Variants in KIF16B observed in about 807,000 individuals in gnomAD.
The protein encoded by KIF16B is kinesin family member 16B, also known as kinesin-like protein KIF16B.
KIF16B carries 98 observed loss-of-function variants against 156.3 expected under a neutral mutation model. The observed-to-expected ratio is 0.63, with a 90% confidence interval of 0.53 to 0.74. KIF16B has a LOEUF of 0.74. KIF16B is among the 30% of genes least tolerant of loss of function. KIF16B has a pLI of 0.00. For missense variants in KIF16B, 1,421 were observed against 1,606.5 expected (o/e 0.88, Z 1.97); for synonymous variants, 564 against 583.7 (o/e 0.97, Z 0.49).
chr20:16,528,100 C>T (rs1050053253), intron 2 of KIF16B, among the ~76,000 whole-genome samples: 3 of 152,138 alleles, frequency 2.0e-5, no homozygotes, highest in African/African-American at 7.2e-5. Flanking sequence ...GATGAAAATG[C>T]CCGAATCTGG....
Position 16,418,461 on chromosome 20 carries a change from C to T in KIF16B, c.1612+8643G>A, listed in dbSNP as rs186330486. On this transcript the variant is annotated intron_variant, in intron 15 of 25. Coordinates refer to ENST00000354981, the MANE Select transcript of KIF16B (RefSeq NM_024704.5). ...TTGCTAACTGCCACGGCTTTCATTCCTCAAGGTTCAACAGAAACCAGCCCA... is the reference window on the plus strand; with the variant it reads ...TTGCTAACTGCCACGGCTTTCATTCTTCAAGGTTCAACAGAAACCAGCCCA... Among the ~76,000 whole-genome samples the T allele has an allele frequency of 2.5e-4, 38 of 152,240 alleles. No homozygotes were observed. The East Asian group carries it at 4.7e-3, about 19-fold the overall frequency.
chr20:16,483,734 T>C (rs1438752656), intron 12 of KIF16B, among the ~76,000 whole-genome samples: 1 of 151,994 alleles, frequency 6.6e-6, no homozygotes, highest in Non-Finnish European at 1.5e-5. Context: ...AAATTATTGA[T>C]CCAGAGTAAC....
rs559271919 is a variant in KIF16B, at chr20:16,339,692, C to T, written c.3622-3677G>A. Reference sequence around the variant, plus strand: ...TGACAATGCTATTCTTCTCCCTGTTCCATGCAAAAACTCTGGCATCATCCT... The same window carrying T: ...TGACAATGCTATTCTTCTCCCTGTTTCATGCAAAAACTCTGGCATCATCCT... On this transcript the variant is annotated intron_variant, in intron 23 of 25. Transcript: ENST00000354981. Among the ~76,000 whole-genome samples, 18 of 152,338 alleles carry T rather than the reference C, an allele frequency of 1.2e-4. No homozygotes were observed. The South Asian group carries it at 3.7e-3, about 32-fold the overall frequency.
At chr20:16,278,905 T>G (rs1230657359) in intron 25 of KIF16B, among the ~76,000 whole-genome samples, 1 of 152,196 alleles carries the variant, frequency 6.6e-6, no homozygotes, top group East Asian at 1.9e-4. Flanking sequence ...TTGGGTCAGA[T>G]GCACTGCCTT....
chr20:16,410,056 T>TATATATATGTTGGTAC lies in KIF16B; in HGVS notation c.1613-3601_1613-3600insGTACCAACATATATAT, dbSNP rs1568948430. On this transcript the variant is annotated intron_variant, in intron 15 of 25. Coordinates refer to ENST00000354981, the MANE Select transcript of KIF16B (RefSeq NM_024704.5). ...AGGTACATATATATATGTTGGTACA[T>TATATATATGTTGGTAC]ATATATATATGTAGGTACATATATA... is the stretch of plus-strand genomic sequence containing the variant. 6.5e-3 allele frequency among the ~76,000 whole-genome samples: 199 copies of TATATATATGTTGGTAC among 30,776 alleles called. 25 individuals are homozygous for TATATATATGTTGGTAC. Among genetic ancestry groups the TATATATATGTTGGTAC allele is most frequent in the Non-Finnish European group, 8.2e-3 (144 of 17,590 alleles). 20.2% of individuals were successfully genotyped at this position (30,776 alleles called of 152,430 possible). A position where few individuals can be genotyped will look rare whatever the true frequency, so the allele number is the denominator to read the frequency against.
At chr20:16,520,746 C>A (rs993811290) in intron 3 of KIF16B, among the ~76,000 whole-genome samples, 21 of 152,158 alleles carry the variant, frequency 1.4e-4, no homozygotes, top group African/African-American at 5.1e-4. Flanking sequence ...AGACACCTCC[C>A]AGCAGGGGTT....
At chr20:16,395,415 G>A (rs2065476926) in intron 17 of KIF16B, among the ~76,000 whole-genome samples, 1 of 151,128 alleles carries the variant, frequency 6.6e-6, no homozygotes, top group African/African-American at 2.4e-5. Context: ...AATAGGGAAG[G>A]AGTGGGACAC....
At position 16,374,381 on chromosome 20, in the gene KIF16B, G is replaced by T. The variant is rs779774680; in HGVS notation, c.3226C>A (p.Gln1076Lys). 2 of 1,590,014 alleles carry T rather than the reference G, an allele frequency of 1.3e-6. No individual in the cohort carries two copies. The highest frequency in any genetic ancestry group is 4.5e-5 in the East Asian group (2 of 44,234). The part of the protein sequence containing the change: ...RLEYEIQQLK[Q>K]KIYEVDGVQK... ...ACACCATCGACCTCATAAATCTTCT[G>T]TTTCAGCTGCTGGATTTCATATTCT... The change falls in exon 20 of 26, where the codon CAG (glutamine) becomes AAG (lysine). Residue 1076 changes from glutamine (Q) to lysine (K), a missense_variant. Coordinates refer to ENST00000354981, the MANE Select transcript of KIF16B (RefSeq NM_024704.5).
chr20:16,359,461 T>C (rs1398642264), intron 22 of KIF16B, among the ~76,000 whole-genome samples: 1 of 152,156 alleles, frequency 6.6e-6, no homozygotes, highest in African/African-American at 2.4e-5. Flanking sequence ...AGTGCTATAC[T>C]TTCTACACAG....
chr20:16,541,044 G>A (rs147977021), intron 1 of KIF16B, among the ~76,000 whole-genome samples: 3 of 152,204 alleles, frequency 2.0e-5, no homozygotes, highest in African/African-American at 7.2e-5. Flanking sequence ...AGCTCCATAA[G>A]TTTGTGTCAC....
rs2066848863 is a variant in KIF16B, at chr20:16,443,179, AC to A, written c.1303-13198del. The stretch of plus-strand genomic sequence containing the variant: ...CTTTTTATGGAGAAGAGAGAATATA[AC>A]CCCCTTCCACCTTGTATTAATCAAA... On this transcript the variant is annotated intron_variant, in intron 12 of 25. Coordinates refer to ENST00000354981, the MANE Select transcript of KIF16B (RefSeq NM_024704.5). Among the ~76,000 whole-genome samples, 3 of 152,090 alleles carry A rather than the reference AC, an allele frequency of 2.0e-5. No individual in the cohort carries two copies. In the South Asian group the frequency reaches 6.2e-4, roughly 31 times the overall value.
intron 3 of KIF16B, among the ~76,000 whole-genome samples, chr20:16,519,211 A>G (rs1221989715): frequency 2.0e-5 from 3 of 152,144 alleles, no homozygotes; most frequent in African/African-American, 7.2e-5. Flanking sequence ...TTCCTCTCCC[A>G]GGCCTTCTTT....
At chr20:16,295,897 A>G (rs914097134) in intron 25 of KIF16B, among the ~76,000 whole-genome samples, 1 of 152,248 alleles carries the variant, frequency 6.6e-6, no homozygotes, top group Non-Finnish European at 1.5e-5. Flanking sequence ...AACTATTTTC[A>G]TAACTCAGGC....
At chr20:16,438,802 C>T (rs767468214) in intron 12 of KIF16B, among the ~76,000 whole-genome samples, 2 of 152,092 alleles carry the variant, frequency 1.3e-5, no homozygotes, top group Admixed American at 6.6e-5. Context: ...CAGAGAGTGA[C>T]GACGTGAATA....
chr20:16,496,313 G>C (rs2068450538), intron 11 of KIF16B, among the ~76,000 whole-genome samples: 2 of 152,212 alleles, frequency 1.3e-5, no homozygotes, highest in Admixed American at 6.5e-5. Flanking sequence ...CCAACAGATA[G>C]TTTCTCATCG....
chr20:16,535,042 G>A (rs2069904379), intron 1 of KIF16B, among the ~76,000 whole-genome samples: 1 of 151,774 alleles, frequency 6.6e-6, no homozygotes, highest in Admixed American at 6.6e-5. Flanking sequence ...AAACAATGTT[G>A]GTATTTTGAT....
At chr20:16,489,099 C>A (rs897532509) in intron 12 of KIF16B, among the ~76,000 whole-genome samples, 3 of 152,198 alleles carry the variant, frequency 2.0e-5, no homozygotes, top group Admixed American at 6.5e-5. Context: ...CAGCAGAGAC[C>A]AGCATCACCC....
chr20:16,464,861 G>C (rs767295808), intron 12 of KIF16B, among the ~76,000 whole-genome samples: 2 of 152,108 alleles, frequency 1.3e-5, no homozygotes, highest in Non-Finnish European at 2.9e-5. Flanking sequence ...ATTGGCCAAG[G>C]GTTAGAGATT....
At chr20:16,275,418 T>C (rs1382100665) in intron 25 of KIF16B, among the ~76,000 whole-genome samples, 1 of 152,082 alleles carries the variant, frequency 6.6e-6, no homozygotes, top group Non-Finnish European at 1.5e-5. Context: ...GAAACCACCA[T>C]TAAATCAAGA....
Sources: allele counts gnomAD v4.1 joint callset (sites outside exome capture counted in the v4.1 genomes callset), GRCh38; gene constraint gnomAD v4.1.1; transcripts MANE v1.5; gene names NCBI Gene and HGNC (gene_info 2026-07-23, HGNC 2026-07-21).